ACTN3: variants seen among roughly 807,000 people sequenced by gnomAD.
ACTN3 encodes actinin alpha 3.
Under a neutral mutation model 119.6 loss-of-function variants are expected in ACTN3, and 91 were observed. The observed-to-expected ratio is 0.76, with a 90% CI of 0.64 to 0.91. The LOEUF is 0.91. Among genes scored for constraint, ACTN3 ranks in the 40% least tolerant of loss-of-function variants. The pLI is 0.00. For synonymous variants in ACTN3, 456 were observed against 478.8 expected, an observed-to-expected ratio of 0.95 and a Z score of 0.62; for missense variants, 1,221 against 1,215.1, an observed-to-expected ratio of 1.00 and a Z score of -0.07.
In ACTN3 at chr11:66,560,196, T is replaced by C. The variant is rs370933594; in HGVS notation, c.1562T>C (p.Ile521Thr). ...LERMEKLLETIDRLQLEFARR... is the reference protein window; with the variant it reads ...LERMEKLLETTDRLQLEFARR... ...CGGATGGAGAAGCTCCTGGAGACCA[T>C]TGACCGGCTGCAACTGGAGTTTGCC... is the stretch of plus-strand genomic sequence containing the variant. The change falls in exon 14 of 21, where the codon ATT (isoleucine) becomes ACT (threonine). Residue 521 changes from isoleucine (I) to threonine (T), a missense_variant. This residue lies in a region of ACTN3 where 934 missense variants were observed against 899.9 expected (regional missense o/e 1.04). Transcript: ENST00000513398. 115 of 1,609,264 alleles carry C rather than the reference T, an allele frequency of 7.1e-5. No homozygotes were observed. Among genetic ancestry groups the C allele is most frequent in the Non-Finnish European group, 8.0e-5 (94 of 1,178,028 alleles).
intron 2 of ACTN3, 74 bp downstream of exon 2, chr11:66,551,427 G>A (rs1472702439): frequency 1.3e-5 from 21 of 1,564,632 alleles, no homozygotes; most frequent in African/African-American, 2.7e-5. Context: ...ATAGGGTGGC[G>A]GAGTGTTGGA....
At chr11:66,547,256 C>A in intron 1 of ACTN3, 172 bp downstream of exon 1, 1 of 488,376 alleles carries the variant, frequency 2.0e-6, no homozygotes. Flanking sequence ...GAGGAGAGGG[C>A]TGGGAGCCCT....
chr11:66,559,640 C>G (rs1013200771), intron 12 of ACTN3, among the ~76,000 whole-genome samples: 22 of 151,902 alleles, frequency 1.4e-4, no homozygotes, highest in Admixed American at 3.9e-4. Flanking sequence ...TCTAACCTGC[C>G]CGCTCTCTTC....
chr11:66,562,561 C>T (rs935410096), intron 19 of ACTN3, among the ~76,000 whole-genome samples: 2 of 151,950 alleles, frequency 1.3e-5, no homozygotes, highest in Non-Finnish European at 1.5e-5. Flanking sequence ...ACGGGTGTGG[C>T]CCTGGAAAAA....
At position 66,546,943 on chromosome 11, in the gene ACTN3, G is replaced by A. The variant is rs765250958; in HGVS notation, c.6G>A (p.Met2Ile). 42 of 1,539,034 alleles carry A rather than the reference G, an allele frequency of 2.7e-5. No individual in the cohort carries two copies. Among genetic ancestry groups the A allele is most frequent in the Non-Finnish European group, 3.6e-5 (41 of 1,148,234 alleles). The change falls in exon 1 of 21, where the codon ATG (methionine) becomes ATA (isoleucine). Residue 2 changes from methionine (M) to isoleucine (I), a missense_variant. By Grantham distance (10) the Met-to-Ile change is conservative. This residue lies in a region of ACTN3 where 239 missense variants were observed against 231.8 expected (regional missense o/e 1.03). Transcript: ENST00000513398. M[M>I]MVMQPEGLGA... ...AAGCCAGGAGCCCGATCGAGATGAT[G>A]ATGGTTATGCAGCCCGAGGGTCTGG...
Position 66,560,588 on chromosome 11 carries a change from C to A in ACTN3, c.1693C>A (p.His565Asn). 6.2e-7 allele frequency: 1 copy of A among 1,612,130 alleles called. No homozygotes were observed. ...VEETQSLLTA[H>N]DQFKATLPEA... ...TCGTCCCCAGAGCCTGCTGACAGCG[C>A]ACGATCAGTTCAAGGCAACACTGCC... Residue 565 changes from histidine (H) to asparagine (N), a missense_variant, in exon 15 of 21, where the codon CAC becomes AAC. Coordinates refer to ENST00000513398, the MANE Select transcript of ACTN3 (RefSeq NM_001104.4).
At chr11:66,551,409 C>T in intron 2 of ACTN3, 56 bp downstream of exon 2, 1 of 1,568,610 alleles carries the variant, frequency 6.4e-7, no homozygotes, top group Non-Finnish European at 8.7e-7. Context: ...ATCTGGACAG[C>T]AGGGGGAATA....
chr11:66,546,984 G>T lies in ACTN3; in HGVS notation c.47G>T (p.Arg16Leu). 6.6e-7 allele frequency: 1 copy of T among 1,521,496 alleles called. No homozygotes were observed. The highest frequency in any genetic ancestry group is 8.8e-7 in the Non-Finnish European group (1 of 1,138,504). 94.2% of individuals were successfully genotyped at this position (1,521,496 alleles called of 1,614,324 possible). ...GAGGGTCTGGGGGCCGGGGAGGGGC[G>T]CTTTGCGGGCGGCGGCGGGGGCGGC... Reference protein sequence around the residue: ...QPEGLGAGEGRFAGGGGGGEY... With the variant: ...QPEGLGAGEGLFAGGGGGGEY... Residue 16 changes from arginine to leucine, a missense_variant, in exon 1 of 21, where the codon CGC becomes CTC. Around this residue, in one of 3 missense-constraint regions of ACTN3, gnomAD observed 239 missense variants for 231.8 expected, o/e 1.03. Coordinates refer to ENST00000513398, the MANE Select transcript of ACTN3 (RefSeq NM_001104.4).
At chr11:66,547,444 C>T (rs1199496175) in intron 1 of ACTN3, among the ~76,000 whole-genome samples, 1 of 152,146 alleles carries the variant, frequency 6.6e-6, no homozygotes, top group African/African-American at 2.4e-5. Context: ...TTCCCAGACC[C>T]CACCCTGAAG....
intron 19 of ACTN3, 43 bp downstream of exon 19, chr11:66,562,365 C>G (rs77303460): frequency 1.9e-6 from 3 of 1,597,778 alleles, no homozygotes; most frequent in South Asian, 2.2e-5. Flanking sequence ...CAAAGTACCC[C>G]CTCCTCTGTG....
chr11:66,559,984 G>C lies in ACTN3; in HGVS notation c.1444G>C (p.Glu482Gln). 1.3e-6 allele frequency: 2 copies of C among 1,598,398 alleles called. No homozygotes were observed. Among genetic ancestry groups the C allele is most frequent in the Non-Finnish European group, 1.7e-6 (2 of 1,174,336 alleles). ...AQELNELDYH[E>Q]AASVNSRCQA... is the part of the protein sequence containing the mutation. ...CGCTCCCAGTGAGCTGGACTACCAC[G>C]AGGCAGCCTCAGTGAATAGCCGCTG... The change falls in exon 13 of 21, where the codon GAG (glutamate) becomes CAG (glutamine). Residue 482 changes from glutamate to glutamine, a missense_variant. By Grantham distance (29) the Glu-to-Gln change is conservative. Around this residue, in one of 3 missense-constraint regions of ACTN3, gnomAD observed 934 missense variants for 899.9 expected, o/e 1.04. Transcript: ENST00000513398.
In ACTN3 at chr11:66,550,940, T is replaced by G. The variant is rs1857455276; in HGVS notation, c.148-299T>G. 8.2e-6 allele frequency: 4 copies of G among 488,480 alleles called. No homozygotes were observed. The Middle Eastern group carries it at 1.6e-3, about 197-fold the overall frequency. The allele number at this position is 488,480 out of a possible 1,614,324, so 30.3% of individuals were successfully genotyped here. On this transcript the variant is annotated intron_variant, in intron 1 of 20. Transcript: ENST00000513398. ...CCCACATTTTGAATGTGTTAACATT[T>G]TCTAAGGGCCCTCCAGTGTTTAAGA...
rs1434813973 is a variant in ACTN3, at chr11:66,547,020, A to G, written c.83A>G (p.Glu28Gly). 6.6e-7 allele frequency: 1 copy of G among 1,522,498 alleles called. No individual in the cohort carries two copies. The highest frequency in any genetic ancestry group is 8.8e-7 in the Non-Finnish European group (1 of 1,138,876). The allele number at this position is 1,522,498 out of a possible 1,614,324, so 94.3% of individuals were successfully genotyped here. The change falls in exon 1 of 21, where the codon GAA becomes GGA. Residue 28 changes from glutamate to glycine, a missense_variant. Physicochemically the swap from Glu to Gly is moderately conservative, Grantham distance 98. Around this residue, in one of 3 missense-constraint regions of ACTN3, gnomAD observed 239 missense variants for 231.8 expected, o/e 1.03. Coordinates refer to ENST00000513398, the MANE Select transcript of ACTN3 (RefSeq NM_001104.4). ...GGCGGCGGGGGCGGCGAGTACATGG[A>G]ACAGGAGGAGGACTGGGACCGCGAC... Reference protein sequence around the residue: ...AGGGGGGEYMEQEEDWDRDLL... With the variant: ...AGGGGGGEYMGQEEDWDRDLL...
chr11:66,547,000 CG>C lies in ACTN3; in HGVS notation c.68del (p.Gly23AlafsTer112), dbSNP rs1857361739. The C allele has an allele frequency of 2.0e-6, 3 of 1,520,090 alleles. No homozygotes were observed. The highest frequency in any genetic ancestry group is 2.3e-5 in the East Asian group (1 of 43,824). 94.2% of individuals were successfully genotyped at this position (1,520,090 alleles called of 1,614,324 possible). A position where few individuals can be genotyped will look rare whatever the true frequency, so the allele number is the denominator to read the frequency against. The part of the protein sequence containing the change: ...AGEGRFAGGG[G>X]GGEYMEQEED... ...GGGAGGGGCGCTTTGCGGGCGGCGG[CG>C]GGGGCGGCGAGTACATGGAACAGGA... On this transcript the variant is annotated frameshift_variant, in exon 1 of 21. Coordinates refer to ENST00000513398, the MANE Select transcript of ACTN3 (RefSeq NM_001104.4). LOFTEE classifies it high-confidence loss of function.
At chr11:66,548,841 T>G (rs1857418014) in intron 1 of ACTN3, among the ~76,000 whole-genome samples, 1 of 152,038 alleles carries the variant, frequency 6.6e-6, no homozygotes, top group Non-Finnish European at 1.5e-5. Flanking sequence ...ATTCCAACAT[T>G]TCTGTCTCAT....
In ACTN3 at chr11:66,562,891, GAC is replaced by G. The variant is rs1291355954; in HGVS notation, c.2486_2487del (p.Thr829SerfsTer4). The G allele has an allele frequency of 2.5e-6, 4 of 1,613,766 alleles. No individual in the cohort carries two copies. Among genetic ancestry groups the G allele is most frequent in the Non-Finnish European group, 3.4e-6 (4 of 1,179,860 alleles). On this transcript the variant is annotated frameshift_variant, in exon 20 of 21. Transcript: ENST00000513398. LOFTEE classifies it high-confidence loss of function. Reference protein sequence around the residue: ...QAFIDFMTRETAETDTTEQVV... With the variant: ...QAFIDFMTREXAETDTTEQVV... ...CCTTCATAGACTTCATGACCCGAGA[GAC>G]AGCCGAGACTGACACGACTGAGCAA... is the stretch of plus-strand genomic sequence containing the variant.
chr11:66,552,673 A>G (rs1174858635), intron 3 of ACTN3, among the ~76,000 whole-genome samples: 1 of 152,008 alleles, frequency 6.6e-6, no homozygotes, highest in East Asian at 1.9e-4. Flanking sequence ...CCTGGCCAAC[A>G]TGGTGAAAGC....
In ACTN3 at chr11:66,561,270, A is replaced by C. The variant is rs2229456; in HGVS notation, c.1904A>C (p.Glu635Ala). The change falls in exon 16 of 21, where the codon GAG becomes GCG. Residue 635 changes from glutamate (E) to alanine (A), a missense_variant. Glu to Ala is a moderately radical substitution (Grantham distance 107). This residue lies in a region of ACTN3 where 934 missense variants were observed against 899.9 expected (regional missense o/e 1.04). Coordinates refer to ENST00000513398, the MANE Select transcript of ACTN3 (RefSeq NM_001104.4). The part of the protein sequence containing the change: ...VPSCDQTLQE[E>A]LARQQVNERL... ...AGCTGTGACCAGACACTGCAGGAGG[A>C]GCTGGCACGGCAGCAGGTAAACGAG... The C allele has an allele frequency of 0.18, 280,864 of 1,600,474 alleles. 25,290 individuals carry two copies. The highest frequency in any genetic ancestry group is 0.18 in the Non-Finnish European group (213,033 of 1,174,534).
chr11:66,556,665 G>A (rs1857596531), intron 8 of ACTN3, among the ~76,000 whole-genome samples: 1 of 152,174 alleles, frequency 6.6e-6, no homozygotes, highest in African/African-American at 2.4e-5. Context: ...TCGAACTCCT[G>A]GACTCAAGTA....
Sources: allele counts gnomAD v4.1 joint callset (sites outside exome capture counted in the v4.1 genomes callset), GRCh38; gene constraint gnomAD v4.1.1; regional missense constraint gnomAD v4.1.1; transcripts MANE v1.5; gene names NCBI Gene and HGNC (gene_info 2026-07-23, HGNC 2026-07-21).